GRAMD4: variants seen among roughly 807,000 people sequenced by gnomAD.
GRAMD4 encodes GRAM domain containing 4, also known as GRAM domain-containing protein 4.
GRAMD4 carries 25 observed loss-of-function variants against 83.9 expected under a neutral mutation model. The observed-to-expected ratio is 0.30, with a 90% CI of 0.22 to 0.42. The LOEUF (loss-of-function observed/expected upper bound fraction) is 0.42, where lower values mean the gene tolerates loss of function less well. Among genes scored for constraint, GRAMD4 ranks in the 10% least tolerant of loss-of-function variants. The probability of loss-of-function intolerance (pLI) is 1.00; values close to 1 mark genes in which losing one functional copy is unlikely to be tolerated. For synonymous variants in GRAMD4, 336 were observed against 320.9 expected, an observed-to-expected ratio of 1.05 and a Z score of -0.50; for missense variants, 593 against 788.7, an observed-to-expected ratio of 0.75 and a Z score of 2.97.
intron 3 of GRAMD4, among the ~76,000 whole-genome samples, chr22:46,646,152 C>A (rs538097163): frequency 6.6e-6 from 1 of 152,314 alleles, no homozygotes; most frequent in South Asian, 2.1e-4. Context: ...GGAGGGTGCT[C>A]CCCTAGGCTA....
Position 46,677,442 on chromosome 22 carries a change from G to A in GRAMD4, c.*191G>A, listed in dbSNP as rs1041958023. ...AGAAGGGGCCAGGGCTCACAGGGACGGGGGTGCCCCTCTCCCACAGGGCAC... is the reference window on the plus strand; with the variant it reads ...AGAAGGGGCCAGGGCTCACAGGGACAGGGGTGCCCCTCTCCCACAGGGCAC... On this transcript the variant is annotated 3_prime_UTR_variant, in exon 19 of 19. Transcript: ENST00000406902. The A allele has an allele frequency of 1.3e-5, 18 of 1,352,656 alleles. No individual in the cohort carries two copies. Among genetic ancestry groups the A allele is most frequent in the African/African-American group, 5.9e-5 (4 of 68,214 alleles). 83.8% of individuals were successfully genotyped at this position (1,352,656 alleles called of 1,614,324 possible).
upstream of GRAMD4, among the ~76,000 whole-genome samples, chr22:46,618,495 G>C (rs1280196951): frequency 6.6e-6 from 1 of 152,152 alleles, no homozygotes; most frequent in East Asian, 1.9e-4. This position sits in a 1 kb window ranked among gnomAD's most constrained non-coding sequence, Gnocchi z 5.8. Context: ...TGCAAAGGGG[G>C]TCGGCAGAGC....
chr22:46,619,282 T>A (rs2081542167), upstream of GRAMD4, among the ~76,000 whole-genome samples: 2 of 152,146 alleles, frequency 1.3e-5, no homozygotes, highest in Non-Finnish European at 2.9e-5. Context: ...CCTCTTTGCA[T>A]CAGGAGTTAG....
chr22:46,597,018 A>G (rs549710116), intron 1 of GRAMD4, among the ~76,000 whole-genome samples: 1 of 152,132 alleles, frequency 6.6e-6, no homozygotes, highest in African/African-American at 2.4e-5. Flanking sequence ...CCATCTGTCA[A>G]CCTGCTGGAC....
At chr22:46,641,548 C>T (rs551661905) in intron 3 of GRAMD4, among the ~76,000 whole-genome samples, 29 of 152,144 alleles carry the variant, frequency 1.9e-4, no homozygotes, top group African/African-American at 1.2e-4. Context: ...GGGTTCTCTG[C>T]GCGTCACACT....
rs191813504 is a variant in GRAMD4, at chr22:46,659,529, C to T, written c.404+1222C>T. ...CTGAGCACTGCCTGCTATGAGCGCT[C>T]CGGGGGCCGTGTGTCATTGTCAGGA... On this transcript the variant is annotated intron_variant, in intron 4 of 18. Transcript: ENST00000406902. This position sits in a 1 kb window ranked among gnomAD's most constrained non-coding sequence, Gnocchi z 4.1. Among the ~76,000 whole-genome samples the T allele has an allele frequency of 1.4e-4, 21 of 152,362 alleles. No individual in the cohort carries two copies. The highest frequency in any genetic ancestry group is 4.8e-4 in the African/African-American group (20 of 41,592).
At chr22:46,635,677 C>T (rs1488250166) in intron 2 of GRAMD4, among the ~76,000 whole-genome samples, 1 of 129,632 alleles carries the variant, frequency 7.7e-6, no homozygotes, top group Non-Finnish European at 1.6e-5. Flanking sequence ...CACCCCTGTC[C>T]AGGGGAGCTG....
Position 46,659,656 on chromosome 22 carries a change from C to T in GRAMD4, c.404+1349C>T, listed in dbSNP as rs1601654576. ...GGGGGATCCGCTGGGCTGACTCCCA[C>T]TTCTTCCTTGCCCGCCTCCTGCAGG... On this transcript the variant is annotated intron_variant, in intron 4 of 18. Coordinates refer to ENST00000406902, the MANE Select transcript of GRAMD4 (RefSeq NM_015124.5). This position sits in a 1 kb window ranked among gnomAD's most constrained non-coding sequence, Gnocchi z 4.1. Among the ~76,000 whole-genome samples, 1 of 152,184 alleles carries T rather than the reference C, an allele frequency of 6.6e-6. No homozygotes were observed. The highest frequency in any genetic ancestry group is 1.5e-5 in the Non-Finnish European group (1 of 68,030).
downstream of GRAMD4, among the ~76,000 whole-genome samples, chr22:46,680,588 A>T (rs1422005425): frequency 2.2e-5 from 3 of 138,210 alleles, no homozygotes; most frequent in Non-Finnish European, 3.2e-5. Context: ...CCATCCATCC[A>T]TCCATCCACC....
intron 10 of GRAMD4, among the ~76,000 whole-genome samples, chr22:46,667,505 A>G (rs1479089530): frequency 4.6e-5 from 7 of 152,222 alleles, no homozygotes; most frequent in Non-Finnish European, 8.8e-5. Context: ...TGGAAGCCAA[A>G]AATATTTACT....
In GRAMD4 at chr22:46,677,194, C is replaced by A; in HGVS notation, c.1680C>A (p.Thr560=). The A allele has an allele frequency of 6.2e-7, 1 of 1,613,838 alleles. No individual in the cohort carries two copies. The highest frequency in any genetic ancestry group is 8.5e-7 in the Non-Finnish European group (1 of 1,179,946). ...TGCACAGGGATGAGGCCTTCGAGAC[C>A]ATTCTCAGCCAGTACATCAAGATCA... ...AMVHRDEAFE[T]ILSQYIKITS... The change falls in exon 19 of 19, where the codon ACC becomes ACA. Residue 560 remains threonine, a synonymous_variant. Coordinates refer to ENST00000406902, the MANE Select transcript of GRAMD4 (RefSeq NM_015124.5).
exon 1 of GRAMD4, chr22:46,577,171 C>G (rs2081049861): frequency 1.9e-6 from 1 of 514,380 alleles, no homozygotes; most frequent in African/African-American, 2.1e-5. Context: ...GGGGCCGCCT[C>G]CTCCCGGCTC....
At chr22:46,669,984 C>T (rs1016972964) in intron 13 of GRAMD4, among the ~76,000 whole-genome samples, 4 of 152,202 alleles carry the variant, frequency 2.6e-5, no homozygotes, top group African/African-American at 9.6e-5. Context: ...CATGTGGGAG[C>T]GAGGCCGCCA....
In GRAMD4 at chr22:46,584,045, A is replaced by G. The variant is rs544731300; in HGVS notation, c.-50+6755A>G. Among the ~76,000 whole-genome samples the G allele has an allele frequency of 4.6e-5, 7 of 152,214 alleles. No individual in the cohort carries two copies. In the South Asian group the frequency reaches 1.5e-3, roughly 32 times the overall value. On this transcript the variant is annotated intron_variant, in intron 1 of 1. Transcript: ENST00000431155. ...GATACTCATTTAATCCTCTAGGTCA[A>G]TGCGGAATGCCATTATTTTGTTTGC...
chr22:46,608,683 ATGTG>A (rs1410634401), intron 1 of GRAMD4, among the ~76,000 whole-genome samples: 3 of 151,880 alleles, frequency 2.0e-5, no homozygotes, highest in Non-Finnish European at 4.4e-5. Context: ...CCGTATCAAA[ATGTG>A]TGTGTGTGCG....
Position 46,679,661 on chromosome 22 carries a change from G to A in GRAMD4, c.*2410G>A, listed in dbSNP as rs1476560967. The A allele has an allele frequency of 6.1e-6, 6 of 982,988 alleles. No individual in the cohort carries two copies. In the South Asian group the frequency reaches 2.8e-4, roughly 46 times the overall value. 60.9% of individuals were successfully genotyped at this position (982,988 alleles called of 1,614,324 possible). ...TTTTGTTCAACAAAAGGATTGTACT[G>A]TATTAAGAACCGATGAAAAAAATTC... On this transcript the variant is annotated 3_prime_UTR_variant, in exon 19 of 19. Coordinates refer to ENST00000406902, the MANE Select transcript of GRAMD4 (RefSeq NM_015124.5).
Position 46,591,326 on chromosome 22 carries a change from T to A in GRAMD4, c.-50+14036T>A, listed in dbSNP as rs1162813527. Among the ~76,000 whole-genome samples the A allele has an allele frequency of 2.0e-5, 3 of 152,142 alleles. No homozygotes were observed. In the East Asian group the frequency reaches 5.8e-4, roughly 29 times the overall value. ...TGAGCTCAGGAGTTTGAGAACGGCC[T>A]GGGCAACATAGTGAGACTCCATCTC... is the stretch of plus-strand genomic sequence containing the variant. On this transcript the variant is annotated intron_variant, in intron 1 of 1. Transcript: ENST00000431155.
chr22:46,679,677 A>C lies in GRAMD4; in HGVS notation c.*2426A>C. The C allele has an allele frequency of 1.0e-6, 1 of 981,276 alleles. No individual in the cohort carries two copies. The highest frequency in any genetic ancestry group is 1.2e-6 in the Non-Finnish European group (1 of 825,922). 60.8% of individuals were successfully genotyped at this position (981,276 alleles called of 1,614,324 possible). A position where few individuals can be genotyped will look rare whatever the true frequency, so the allele number is the denominator to read the frequency against. On this transcript the variant is annotated 3_prime_UTR_variant, in exon 19 of 19. Transcript: ENST00000406902. ...GATTGTACTGTATTAAGAACCGATGAAAAAAATTCTCCTGTAACATTTTTT... is the reference window on the plus strand; with the variant it reads ...GATTGTACTGTATTAAGAACCGATGCAAAAAATTCTCCTGTAACATTTTTT...
chr22:46,620,193 C>T (rs569471727), upstream of GRAMD4: 2 of 417,258 alleles, frequency 4.8e-6, no homozygotes, highest in African/African-American at 4.3e-5. The surrounding 1 kb of genome is among the most constrained non-coding windows in gnomAD (Gnocchi z 4.7). Context: ...GTTCCCTAGA[C>T]ACTGTTGCCT....
Sources: allele counts gnomAD v4.1 joint callset (sites outside exome capture counted in the v4.1 genomes callset), GRCh38; gene constraint gnomAD v4.1.1; non-coding constraint Gnocchi (gnomAD v3.1); transcripts MANE v1.5; gene names NCBI Gene and HGNC (gene_info 2026-07-23, HGNC 2026-07-21).